DAB2IP: variants seen among roughly 807,000 people sequenced by gnomAD.
The protein encoded by DAB2IP is disabled homolog 2-interacting protein.
In DAB2IP, 28 loss-of-function variants were observed where a neutral mutation model predicts 107.2. The ratio of observed to expected loss-of-function variants is 0.26; its 90% CI spans 0.19 to 0.36. The LOEUF is 0.36. Ranked by LOEUF, DAB2IP falls within the 10% of genes least tolerant of loss-of-function variation. The probability of loss-of-function intolerance (pLI) is 1.00; values close to 1 mark genes in which losing one functional copy is unlikely to be tolerated. For missense variants in DAB2IP, 1,400 were observed against 1,644.7 expected, an observed-to-expected ratio of 0.85 and a Z score of 2.57; for synonymous variants, 755 against 706.4, an observed-to-expected ratio of 1.07 and a Z score of -1.09.
intron 1 of DAB2IP, among the ~76,000 whole-genome samples, chr9:121,585,621 C>T (rs1406294115): frequency 6.6e-6 from 1 of 152,136 alleles, no homozygotes; most frequent in East Asian, 1.9e-4. Flanking sequence ...CTTTGGGAGG[C>T]CAAGGCAGAC....
intron 1 of DAB2IP, among the ~76,000 whole-genome samples, chr9:121,654,099 G>A (rs927901176): frequency 2.6e-5 from 4 of 152,236 alleles, no homozygotes; most frequent in Non-Finnish European, 5.9e-5. Context: ...AATGGGGCTA[G>A]CAGTGACAGG....
rs150190674 is a variant in DAB2IP, at chr9:121,635,966, C to T, written c.41-42712C>T. ...CTCCCCAGGCTGGAGTGCAGTGGCA[C>T]GATCTCGGCTCACTGCAACCTCTGC... On this transcript the variant is annotated intron_variant, in intron 1 of 16. Coordinates refer to the DAB2IP transcript ENST00000259371. This position sits in a 1 kb window ranked among gnomAD's most constrained non-coding sequence, Gnocchi z 4.3. Among the ~76,000 whole-genome samples the T allele has an allele frequency of 1.7e-4, 26 of 152,228 alleles. No homozygotes were observed. The East Asian group carries it at 4.1e-3, about 24-fold the overall frequency.
chr9:121,623,851 C>T (rs1831555291), intron 1 of DAB2IP, among the ~76,000 whole-genome samples: 1 of 152,138 alleles, frequency 6.6e-6, no homozygotes, highest in Non-Finnish European at 1.5e-5. Context: ...CCATGCCTGG[C>T]TAATTTTTGT....
intron 3 of DAB2IP, among the ~76,000 whole-genome samples, chr9:121,754,145 C>T (rs577585893): frequency 6.6e-6 from 1 of 152,250 alleles, no homozygotes; most frequent in African/African-American, 2.4e-5. Context: ...CAGGAAGTGA[C>T]CAAATGACCA....
Position 121,782,690 on chromosome 9 carries a change from G to C in DAB2IP, c.*192G>C, listed in dbSNP as rs1226243373. 5 of 1,424,918 alleles carry C rather than the reference G, an allele frequency of 3.5e-6. No individual in the cohort carries two copies. Among genetic ancestry groups the C allele is most frequent in the Non-Finnish European group, 4.6e-6 (5 of 1,092,946 alleles). 88.3% of individuals were successfully genotyped at this position (1,424,918 alleles called of 1,614,324 possible). On this transcript the variant is annotated 3_prime_UTR_variant, in exon 16 of 16. Coordinates refer to ENST00000408936, the Ensembl canonical transcript of DAB2IP. The surrounding 1 kb of genome is among the most constrained non-coding windows in gnomAD (Gnocchi z 6.1). ...CAGAGACTGAAGCAGCGTGAGGCGA[G>C]GTCACCAGCCGCTCCCTGTGGGGTG...
intron 3 of DAB2IP, among the ~76,000 whole-genome samples, chr9:121,749,244 C>T (rs1321955543): frequency 6.6e-6 from 1 of 152,234 alleles, no homozygotes; most frequent in Admixed American, 6.5e-5. Context: ...GCTGGACATA[C>T]TAGGCAGGGC....
At position 121,769,559 on chromosome 9, in the gene DAB2IP, C is replaced by G. The variant is rs147199656; in HGVS notation, c.1899+926C>G. ...TGAATGCTATTTATTTCACCAGTCCCCTATTGATGGACACTTAGGTTAGTC... is the reference window on the plus strand; with the variant it reads ...TGAATGCTATTTATTTCACCAGTCCGCTATTGATGGACACTTAGGTTAGTC... On this transcript the variant is annotated intron_variant, in intron 10 of 15. Coordinates refer to ENST00000408936, the Ensembl canonical transcript of DAB2IP. Among the ~76,000 whole-genome samples the G allele has an allele frequency of 2.6e-5, 4 of 152,290 alleles. No individual in the cohort carries two copies. In the East Asian group the frequency reaches 7.7e-4, roughly 29 times the overall value.
rs1159273980 is a variant in DAB2IP, at chr9:121,699,307, T to C, written c.229-18T>C. ...CTAACCCCGCCTCCCCTTCCCCCTC[T>C]TGTCCCCCCGTGCGCAGGGCTTCCT... On this transcript the variant is annotated intron_variant, in intron 2 of 15. Transcript: ENST00000408936. This position sits in a 1 kb window ranked among gnomAD's most constrained non-coding sequence, Gnocchi z 6.2. The C allele has an allele frequency of 2.9e-5, 37 of 1,288,684 alleles. No homozygotes were observed. The highest frequency in any genetic ancestry group is 3.8e-5 in the Non-Finnish European group (37 of 985,660). 79.8% of individuals were successfully genotyped at this position (1,288,684 alleles called of 1,614,324 possible).
At chr9:121,758,284 A>AAG (rs1399958854) in intron 4 of DAB2IP, among the ~76,000 whole-genome samples, 2 of 152,156 alleles carry the variant, frequency 1.3e-5, no homozygotes, top group East Asian at 3.9e-4. Flanking sequence ...TGAGAGTCAG[A>AAG]CAGAGAGGGA....
chr9:121,650,593 C>T (rs2119057591), upstream of DAB2IP, among the ~76,000 whole-genome samples: 1 of 152,320 alleles, frequency 6.6e-6, no homozygotes, highest in Admixed American at 6.5e-5. Flanking sequence ...GTGACTGAGG[C>T]AAGACCTCCT....
rs752815340 is a variant in DAB2IP at position 121,781,562 on chromosome 9, C to T, written c.3402+11C>T. The T allele has an allele frequency of 3.6e-5, 58 of 1,612,206 alleles. No homozygotes were observed. Among genetic ancestry groups the T allele is most frequent in the East Asian group, 3.3e-4 (15 of 44,862 alleles). On this transcript the variant is annotated intron_variant, in intron 15 of 15. Transcript: ENST00000408936. ...ATCATTGATGCCCAGGTGGGGGCTC[C>T]GGCCCTTTGGTCAGCCACAAGAGTT...
chr9:121,782,591 C>T lies in DAB2IP; in HGVS notation c.*93C>T. The stretch of plus-strand genomic sequence containing the variant: ...CCTGGGGAGGCACCCACGGTTGCAG[C>T]CCCAGCGCGGGTGTCAGGAGGCCGA... On this transcript the variant is annotated 3_prime_UTR_variant, in exon 16 of 16. Coordinates refer to ENST00000408936, the Ensembl canonical transcript of DAB2IP. This position sits in a 1 kb window ranked among gnomAD's most constrained non-coding sequence, Gnocchi z 6.1. 3 of 1,547,490 alleles carry T rather than the reference C, an allele frequency of 1.9e-6. No homozygotes were observed. Among genetic ancestry groups the T allele is most frequent in the Non-Finnish European group, 2.6e-6 (3 of 1,144,264 alleles).
At chr9:121,775,048 G>C (rs1835099608) in intron 13 of DAB2IP, among the ~76,000 whole-genome samples, 1 of 152,218 alleles carries the variant, frequency 6.6e-6, no homozygotes, top group African/African-American at 2.4e-5. Flanking sequence ...TCTGCCATCT[G>C]CTGGGGCAAG....
intron 1 of DAB2IP, among the ~76,000 whole-genome samples, chr9:121,608,123 C>T (rs1830946836): frequency 6.6e-6 from 1 of 152,210 alleles, no homozygotes; most frequent in Non-Finnish European, 1.5e-5. Flanking sequence ...TAAAAATAGA[C>T]ACCCTAATCC....
At chr9:121,572,357 G>A (rs1328286727) in intron 1 of DAB2IP, among the ~76,000 whole-genome samples, 2 of 152,128 alleles carry the variant, frequency 1.3e-5, no homozygotes, top group African/African-American at 4.8e-5. Flanking sequence ...GTGCTGCACA[G>A]CACTGGTCCT....
intron 1 of DAB2IP, among the ~76,000 whole-genome samples, chr9:121,593,088 A>G (rs1197741968): frequency 6.6e-6 from 1 of 152,144 alleles, no homozygotes; most frequent in African/African-American, 2.4e-5. Context: ...ACGCGCCTGA[A>G]TTTTTTAAAT....
chr9:121,782,669 G>A lies in DAB2IP; in HGVS notation c.*171G>A. ...GGCGGCCGCAGAGGGAGCCACCAGA[G>A]ACTGAAGCAGCGTGAGGCGAGGTCA... On this transcript the variant is annotated 3_prime_UTR_variant, in exon 16 of 16. Transcript: ENST00000408936. This position sits in a 1 kb window ranked among gnomAD's most constrained non-coding sequence, Gnocchi z 6.1. The A allele has an allele frequency of 6.9e-7, 1 of 1,442,334 alleles. No individual in the cohort carries two copies. Among genetic ancestry groups the A allele is most frequent in the Non-Finnish European group, 9.1e-7 (1 of 1,102,972 alleles). 89.3% of individuals were successfully genotyped at this position (1,442,334 alleles called of 1,614,324 possible).
Position 121,651,853 on chromosome 9 carries a change from G to A in DAB2IP, c.78G>A (p.Leu26=). 2 of 1,464,114 alleles carry A rather than the reference G, an allele frequency of 1.4e-6. No individual in the cohort carries two copies. The highest frequency in any genetic ancestry group is 1.3e-5 in the South Asian group (1 of 75,374). 90.7% of individuals were successfully genotyped at this position (1,464,114 alleles called of 1,614,324 possible). Residue 26 remains leucine (L), a synonymous_variant, in exon 1 of 16, where the codon CTG becomes CTA. Coordinates refer to ENST00000408936, the Ensembl canonical transcript of DAB2IP. This position sits in a 1 kb window ranked among gnomAD's most constrained non-coding sequence, Gnocchi z 5.1. The stretch of plus-strand genomic sequence containing the variant: ...ACCGGCTGCTGAGGCGGCCCCGGCT[G>A]CAGCGACAGAGGAGCCGCTCCCGCA...
chr9:121,749,489 C>A (rs1832955147), intron 3 of DAB2IP, among the ~76,000 whole-genome samples: 1 of 152,174 alleles, frequency 6.6e-6, no homozygotes, highest in African/African-American at 2.4e-5. Flanking sequence ...TGGGTGGGCA[C>A]CAACTCTGTG....
Sources: allele counts gnomAD v4.1 joint callset (sites outside exome capture counted in the v4.1 genomes callset), GRCh38; gene constraint gnomAD v4.1.1; non-coding constraint Gnocchi (gnomAD v3.1); transcripts MANE v1.5; gene names NCBI Gene and HGNC (gene_info 2026-07-23, HGNC 2026-07-21).